OPTN: variants seen among roughly 807,000 people sequenced by gnomAD.
OPTN encodes the protein E3-14.7K-interacting protein.
OPTN carries 54 observed loss-of-function variants against 70.4 expected under a neutral mutation model. The observed-to-expected ratio is 0.77, with a 90% CI of 0.62 to 0.96. The LOEUF is 0.96. OPTN is among the 40% of genes least tolerant of loss of function. The pLI is 0.00. For missense variants in OPTN, 624 were observed against 673.2 expected, an observed-to-expected ratio of 0.93 and a Z score of 0.81; for synonymous variants, 256 against 248.5, an observed-to-expected ratio of 1.03 and a Z score of -0.28.
At chr10:13,122,676 C>CT (rs1272372549) in intron 8 of OPTN, among the ~76,000 whole-genome samples, 189 bp downstream of exon 8, 1 of 152,040 alleles carries the variant, frequency 6.6e-6, no homozygotes, top group African/African-American at 2.4e-5. Flanking sequence ...AGATGTATTT[C>CT]TTTTTTGTTG....
chr10:13,103,088 G>T (rs1449221899), intron 1 of OPTN, among the ~76,000 whole-genome samples: 1 of 152,158 alleles, frequency 6.6e-6, no homozygotes, highest in African/African-American at 2.4e-5. Flanking sequence ...TAAAGCTGCT[G>T]CCATTTTCTG....
chr10:13,125,639 T>C, intron 10 of OPTN, 72 bp downstream of exon 10: 1 of 1,575,722 alleles, frequency 6.3e-7, no homozygotes, highest in Non-Finnish European at 8.7e-7. Context: ...CAGATTGGAA[T>C]TCGGATTTGA....
In OPTN at chr10:13,122,376, A is replaced by T. The variant is rs764373648; in HGVS notation, c.780-9A>T. ...GAAAGTAACTTTTCTATCTTCTGTG[A>T]TTTTCCAGAGTTTCAGATTTTGAAA... is the stretch of plus-strand genomic sequence containing the variant. On this transcript the variant is annotated splice_polypyrimidine_tract_variant and intron_variant, in intron 7 of 14. Coordinates refer to ENST00000378747, the MANE Select transcript of OPTN (RefSeq NM_001008212.2). 1 of 1,597,196 alleles carries T rather than the reference A, an allele frequency of 6.3e-7. No homozygotes were observed. The highest frequency in any genetic ancestry group is 8.6e-7 in the Non-Finnish European group (1 of 1,164,642).
At chr10:13,101,758 A>C (rs1200846918) in intron 1 of OPTN, among the ~76,000 whole-genome samples, 5 of 152,204 alleles carry the variant, frequency 3.3e-5, no homozygotes, top group Non-Finnish European at 7.4e-5. Flanking sequence ...AAACACTTCT[A>C]ATTTTTCAAA....
At position 13,125,406 on chromosome 10, in the gene OPTN, G is replaced by T; in HGVS notation, c.999-12G>T. 1 of 1,613,896 alleles carries T rather than the reference G, an allele frequency of 6.2e-7. No individual in the cohort carries two copies. The highest frequency in any genetic ancestry group is 1.1e-5 in the South Asian group (1 of 91,012). On this transcript the variant is annotated splice_polypyrimidine_tract_variant and intron_variant, in intron 9 of 14. Transcript: ENST00000378747. ...GCATTGTTTATCCTCATGAAATCTT[G>T]ACCTTTCTTAGGTGTCAGGCCCTTG...
intron 14 of OPTN, among the ~76,000 whole-genome samples, chr10:13,136,010 G>C (rs1318291131): frequency 6.6e-6 from 1 of 152,054 alleles, no homozygotes; most frequent in South Asian, 2.1e-4. Flanking sequence ...AACATAGTGA[G>C]ATCCCATCCC....
chr10:13,103,605 A>G (rs540734760), intron 1 of OPTN, among the ~76,000 whole-genome samples: 1 of 152,230 alleles, frequency 6.6e-6, no homozygotes, highest in African/African-American at 2.4e-5. Context: ...ACCAGACAAG[A>G]CATTCTTGCA....
At chr10:13,123,661 G>T (rs745509368) in intron 8 of OPTN, among the ~76,000 whole-genome samples, 3 of 152,222 alleles carry the variant, frequency 2.0e-5, no homozygotes, top group Non-Finnish European at 2.9e-5. Context: ...TAGCTGGATA[G>T]ATAGGACTGT....
chr10:13,114,837 ATTATATAAT>A (rs1313399048), intron 5 of OPTN, among the ~76,000 whole-genome samples: 1 of 99,076 alleles, frequency 1.0e-5, no homozygotes, highest in South Asian at 3.1e-4. Context: ...TAATTATATA[ATTATATAAT>A]TGTATAATAT....
At chr10:13,130,734 A>G (rs1179762528) in intron 12 of OPTN, among the ~76,000 whole-genome samples, 4 of 152,182 alleles carry the variant, frequency 2.6e-5, no homozygotes, top group African/African-American at 7.2e-5. Context: ...ATAATAATTT[A>G]TATCTCAGAA....
At chr10:13,126,515 C>G (rs1006905714) in intron 11 of OPTN, among the ~76,000 whole-genome samples, 2 of 152,026 alleles carry the variant, frequency 1.3e-5, no homozygotes, top group Admixed American at 6.5e-5. Context: ...CTCCTGACCT[C>G]GTGATCCACC....
In OPTN at chr10:13,108,909, T is replaced by C. The variant is rs12415802; in HGVS notation, c.-11-203T>C. 212,892 of 592,040 alleles carry C rather than the reference T, an allele frequency of 0.36. 38,529 individuals carry two copies. Among genetic ancestry groups the C allele is most frequent in the East Asian group, 0.45 (14,719 of 32,640 alleles). The allele number at this position is 592,040 out of a possible 1,614,324, so 36.7% of individuals were successfully genotyped here. ...ACACACACACATGCACACATGCGCG[T>C]GCACACACACACACACTTTTCTGAA... is the stretch of plus-strand genomic sequence containing the variant. On this transcript the variant is annotated intron_variant, in intron 2 of 14. Transcript: ENST00000378747.
chr10:13,105,258 A>G (rs938994394), intron 1 of OPTN, among the ~76,000 whole-genome samples: 1 of 152,222 alleles, frequency 6.6e-6, no homozygotes, highest in African/African-American at 2.4e-5. Flanking sequence ...GGACAGTTAT[A>G]GCTATTCATG....
At position 13,110,465 on chromosome 10, in the gene OPTN, A is replaced by G. The variant is rs1308386618; in HGVS notation, c.358A>G (p.Arg120Gly). The change falls in exon 4 of 15, where the codon AGG (arginine) becomes GGG (glycine). Residue 120 changes from arginine (R) to glycine (G), a missense_variant. Arg to Gly is a moderately radical substitution (Grantham distance 125, BLOSUM62 -2). Transcript: ENST00000378747. ...ELGKLKGKSE[R>G]SSEDPTDDSR... is the part of the protein sequence containing the mutation. ...TGGAAAACTAAAAGGGAAATCAGAA[A>G]GGTCATCTGAGGTGAGCAGACCGAT... 4.3e-6 allele frequency: 7 copies of G among 1,613,144 alleles called. No homozygotes were observed. The highest frequency in any genetic ancestry group is 4.0e-5 in the African/African-American group (3 of 74,796).
Position 13,116,360 on chromosome 10 carries a change from G to T in OPTN, c.626+20G>T. 2 of 1,595,896 alleles carry T rather than the reference G, an allele frequency of 1.3e-6. No individual in the cohort carries two copies. The highest frequency in any genetic ancestry group is 1.7e-6 in the Non-Finnish European group (2 of 1,163,566). On this transcript the variant is annotated intron_variant, in intron 6 of 14. Transcript: ENST00000378747. ...TGGCACGTATGTGAAGGAAGACTCGGGCTGTCAGGCAGACAGGCTGGGCAG... is the reference window on the plus strand; with the variant it reads ...TGGCACGTATGTGAAGGAAGACTCGTGCTGTCAGGCAGACAGGCTGGGCAG...
intron 1 of OPTN, among the ~76,000 whole-genome samples, chr10:13,102,239 G>A (rs1014333539): frequency 1.3e-5 from 2 of 152,226 alleles, no homozygotes; most frequent in Non-Finnish European, 2.9e-5. Context: ...GCTCTTTAAC[G>A]TGCCTTGGGT....
intron 9 of OPTN, among the ~76,000 whole-genome samples, chr10:13,124,369 C>G (rs1371079718): frequency 6.6e-6 from 1 of 152,096 alleles, no homozygotes; most frequent in African/African-American, 2.4e-5. Context: ...TGGGTAAGAT[C>G]TCTACAGTAA....
At chr10:13,111,356 T>C (rs945840046) in intron 4 of OPTN, among the ~76,000 whole-genome samples, 26 of 152,226 alleles carry the variant, frequency 1.7e-4, no homozygotes, top group Admixed American at 1.3e-4. Context: ...TTTGATTATT[T>C]GAATACAATA....
At chr10:13,104,917 T>C in intron 1 of OPTN, 1 of 269,454 alleles carries the variant, frequency 3.7e-6, no homozygotes, top group Non-Finnish European at 7.2e-6. Flanking sequence ...CAGAAAGAGG[T>C]GCAGTGGCTG....
Sources: allele counts gnomAD v4.1 joint callset (sites outside exome capture counted in the v4.1 genomes callset), GRCh38; gene constraint gnomAD v4.1.1; transcripts MANE v1.5; gene names NCBI Gene and HGNC (gene_info 2026-07-23, HGNC 2026-07-21).